PRORP: variants seen among roughly 807,000 people sequenced by gnomAD.
The protein encoded by PRORP is protein only RNase P catalytic subunit.
PRORP carries 51 observed loss-of-function variants against 59.4 expected under a neutral mutation model. The ratio of observed to expected loss-of-function variants is 0.86; its 90% CI spans 0.69 to 1.08. The LOEUF (loss-of-function observed/expected upper bound fraction) is 1.08. Among genes scored for constraint, PRORP ranks in the 50% least tolerant of loss-of-function variants. PRORP has a pLI of 0.00. For synonymous variants in PRORP, 231 were observed against 245.6 expected, an observed-to-expected ratio of 0.94 and a Z score of 0.55; for missense variants, 646 against 690.3, an observed-to-expected ratio of 0.94 and a Z score of 0.72.
At chr14:35,257,209 C>T (rs1207407898) in intron 5 of PRORP, among the ~76,000 whole-genome samples, 1 of 152,176 alleles carries the variant, frequency 6.6e-6, no homozygotes, top group Non-Finnish European at 1.5e-5. Flanking sequence ...AATATATTAA[C>T]ATAAAATTTA....
Position 35,273,568 on chromosome 14 carries a change from G to A in PRORP, c.*2G>A. ...CTTTGCCTCCACCAAAAGACATAGA[G>A]ATTCTTACCTCTATGCTAAGTTTGT... On this transcript the variant is annotated 3_prime_UTR_variant, in exon 8 of 8. Transcript: ENST00000534898. The A allele has an allele frequency of 6.2e-7, 1 of 1,611,662 alleles. No individual in the cohort carries two copies. The highest frequency in any genetic ancestry group is 8.5e-7 in the Non-Finnish European group (1 of 1,179,064).
chr14:35,167,450 A>G (rs2048212064), intron 4 of PRORP, among the ~76,000 whole-genome samples: 1 of 152,162 alleles, frequency 6.6e-6, no homozygotes, highest in South Asian at 2.1e-4. Context: ...ACTATTGGTC[A>G]TTTGGTTAGG....
chr14:35,223,223 C>T (rs1486556926), intron 5 of PRORP, among the ~76,000 whole-genome samples: 2 of 82,246 alleles, frequency 2.4e-5, no homozygotes, highest in African/African-American at 3.6e-5. Flanking sequence ...TTATCAGGTG[C>T]TCTTTTTTTT....
chr14:35,262,424 A>G lies in PRORP; in HGVS notation c.1276-4303A>G, dbSNP rs147407579. ...CTTATAAGATTATGTTTAAAAATACATAGAATAACTTTCTTTGCCATGTCT... is the reference window on the plus strand; with the variant it reads ...CTTATAAGATTATGTTTAAAAATACGTAGAATAACTTTCTTTGCCATGTCT... On this transcript the variant is annotated intron_variant, in intron 5 of 7. Coordinates refer to ENST00000534898, the MANE Select transcript of PRORP (RefSeq NM_014672.4). 1,174 of 381,272 alleles carry G rather than the reference A, an allele frequency of 3.1e-3. 18 individuals are homozygous for G. The highest frequency in any genetic ancestry group is 0.02 in the African/African-American group (983 of 48,106). The allele number at this position is 381,272 out of a possible 1,614,324, so 23.6% of individuals were successfully genotyped here. A position where few individuals can be genotyped will look rare whatever the true frequency, so the allele number is the denominator to read the frequency against.
intron 4 of PRORP, among the ~76,000 whole-genome samples, chr14:35,129,215 A>T (rs950198464): frequency 7.9e-5 from 12 of 152,086 alleles, no homozygotes; most frequent in Non-Finnish European, 1.6e-4. Context: ...TCTCAAAAAA[A>T]AAAGATGCAT....
intron 5 of PRORP, among the ~76,000 whole-genome samples, chr14:35,205,817 T>C (rs1243147877): frequency 6.6e-6 from 1 of 152,172 alleles, no homozygotes; most frequent in East Asian, 1.9e-4. Flanking sequence ...CGTGGCTAAT[T>C]TCTTCTCACC....
chr14:35,229,047 G>A (rs554266123), intron 5 of PRORP, among the ~76,000 whole-genome samples: 3 of 152,218 alleles, frequency 2.0e-5, no homozygotes, highest in Admixed American at 1.3e-4. Context: ...GATGATTAGC[G>A]ATATTGAGCA....
intron 6 of PRORP, among the ~76,000 whole-genome samples, chr14:35,268,204 TGTG>T (rs1217597579): frequency 6.6e-6 from 1 of 151,798 alleles, no homozygotes; most frequent in Non-Finnish European, 1.5e-5. Context: ...ATTAGCCAGA[TGTG>T]GTGGCACACG....
At chr14:35,202,053 T>C (rs1198962217) in intron 5 of PRORP, among the ~76,000 whole-genome samples, 1 of 150,522 alleles carries the variant, frequency 6.6e-6, no homozygotes, top group Non-Finnish European at 1.5e-5. Context: ...CACTGCAAGC[T>C]CCACCTCCCA....
At chr14:35,212,976 C>G (rs959353786) in intron 5 of PRORP, among the ~76,000 whole-genome samples, 2 of 152,338 alleles carry the variant, frequency 1.3e-5, no homozygotes, top group East Asian at 1.9e-4. Context: ...TGCAGCTTCT[C>G]CATCAGCACT....
chr14:35,262,515 T>G (rs1243157383), intron 5 of PRORP: 1 of 591,752 alleles, frequency 1.7e-6, no homozygotes, highest in East Asian at 3.2e-5. Flanking sequence ...GTGACATTAC[T>G]CTGAAGGGAC....
At chr14:35,256,129 CA>C (rs1440425157) in intron 5 of PRORP, among the ~76,000 whole-genome samples, 1 of 150,468 alleles carries the variant, frequency 6.6e-6, no homozygotes, top group Admixed American at 6.6e-5. Flanking sequence ...ACTAAAAATA[CA>C]AAAATTAGTT....
chr14:35,212,733 G>A (rs2049481967), intron 5 of PRORP, among the ~76,000 whole-genome samples: 1 of 152,134 alleles, frequency 6.6e-6, no homozygotes, highest in Admixed American at 6.5e-5. Flanking sequence ...TAGGATTTTT[G>A]GACTGGTGAG....
In PRORP at chr14:35,190,861, A is replaced by G. The variant is rs553274032; in HGVS notation, c.1275+10084A>G. ...ACATACTACTTGAGTCAACTTTTAT[A>G]TAGCACTTGAACCAACATCTCTTCA... On this transcript the variant is annotated intron_variant, in intron 5 of 7. Transcript: ENST00000534898. Among the ~76,000 whole-genome samples the G allele has an allele frequency of 8.5e-5, 13 of 152,350 alleles. No homozygotes were observed. The South Asian group carries it at 2.7e-3, about 32-fold the overall frequency.
Position 35,123,751 on chromosome 14 carries a change from A to G in PRORP, c.506A>G (p.Asn169Ser). ...KSLLAWVAAK[N>S]NGIVSYDLLV... ...CTGCTGGCATGGGTAGCAGCCAAAA[A>G]TAATGGTATTGTAAGTTACGATTTA... The change falls in exon 2 of 8, where the codon AAT becomes AGT. Residue 169 changes from asparagine (N) to serine (S), a missense_variant. Physicochemically the swap from Asn to Ser is conservative, Grantham distance 46 (BLOSUM62 1). Transcript: ENST00000534898. 1 of 1,614,256 alleles carries G rather than the reference A, an allele frequency of 6.2e-7. No individual in the cohort carries two copies. Among genetic ancestry groups the G allele is most frequent in the Non-Finnish European group, 8.5e-7 (1 of 1,180,050 alleles).
intron 3 of PRORP, among the ~76,000 whole-genome samples, chr14:35,127,172 A>G (rs1481701693): frequency 6.6e-6 from 1 of 152,146 alleles, no homozygotes; most frequent in Admixed American, 6.6e-5. Context: ...CAGGCAGATC[A>G]CGAGGTCAGG....
chr14:35,176,858 G>T (rs959773370), intron 4 of PRORP, among the ~76,000 whole-genome samples: 22 of 151,574 alleles, frequency 1.5e-4, no homozygotes, highest in Admixed American at 1.4e-3. Flanking sequence ...TGCCCATTCA[G>T]TATGACATTG....
At chr14:35,156,459 TGTTTTTG>T (rs1304785424) in intron 4 of PRORP, among the ~76,000 whole-genome samples, 1 of 151,260 alleles carries the variant, frequency 6.6e-6, no homozygotes, top group Non-Finnish European at 1.5e-5. Flanking sequence ...TTTTTGTTTT[TGTTTTTG>T]TAATGAGTTC....
At position 35,210,750 on chromosome 14, in the gene PRORP, CTTTTTTTTTTTTTTT is replaced by C. The variant is rs71435870; in HGVS notation, c.1275+29991_1275+30005del. ...TTTTCCTTTTCTTCTTTTCTTTTGC[CTTTTTTTTTTTTTTT>C]TTTTTTTTTTTTTTTTTAAGACAAA... On this transcript the variant is annotated intron_variant, in intron 5 of 7. Coordinates refer to ENST00000534898, the MANE Select transcript of PRORP (RefSeq NM_014672.4). Among the ~76,000 whole-genome samples, 95 of 34,084 alleles carry C rather than the reference CTTTTTTTTTTTTTTT, an allele frequency of 2.8e-3. 1 individual carries two copies. Among genetic ancestry groups the C allele is most frequent in the Non-Finnish European group, 3.9e-3 (78 of 20,186 alleles). 22.4% of individuals were successfully genotyped at this position (34,084 alleles called of 152,430 possible).
Sources: allele counts gnomAD v4.1 joint callset (sites outside exome capture counted in the v4.1 genomes callset), GRCh38; gene constraint gnomAD v4.1.1; transcripts MANE v1.5; gene names NCBI Gene and HGNC (gene_info 2026-07-23, HGNC 2026-07-21).